Variants in DOCK9 observed in about 807,000 individuals in gnomAD.
DOCK9 encodes dedicator of cytokinesis protein 9.
A neutral mutation model predicts 263.3 loss-of-function variants in DOCK9; 89 were observed. The ratio of observed to expected loss-of-function variants is 0.34; its 90% confidence interval spans 0.28 to 0.40. DOCK9 has a LOEUF of 0.40. Ranked by LOEUF, DOCK9 falls within the 10% of genes least tolerant of loss-of-function variation. The probability of loss-of-function intolerance (pLI) is 1.00; values close to 1 mark genes in which losing one functional copy is unlikely to be tolerated. For missense variants in DOCK9, 2,140 were observed against 2,603.4 expected, an observed-to-expected ratio of 0.82 and a Z score of 3.87; for synonymous variants, 976 against 973.1, an observed-to-expected ratio of 1.00 and a Z score of -0.06.
chr13:99,083,587 T>C (rs2042213557), intron 1 of DOCK9, among the ~76,000 whole-genome samples: 1 of 151,826 alleles, frequency 6.6e-6, no homozygotes, highest in South Asian at 2.1e-4. Flanking sequence ...ATCTGGATGA[T>C]GAAATATGAA....
At chr13:98,979,180 ATAGTAGTAGTAGTAG>A (rs56125832), upstream of DOCK9, among the ~76,000 whole-genome samples, 164 of 132,814 alleles carry the variant, frequency 1.2e-3, no homozygotes, top group East Asian at 0.011. Context: ...AGCAGCAGCA[ATAGTAGTAGTAGTAG>A]TAGTAGTAGT....
chr13:98,936,893 T>C (rs549087889), intron 2 of DOCK9, among the ~76,000 whole-genome samples: 1 of 152,330 alleles, frequency 6.6e-6, no homozygotes, highest in South Asian at 2.1e-4. Context: ...TAAATTTCTG[T>C]AGTTTTATTT....
At chr13:99,016,705 A>G (rs767040452) in intron 1 of DOCK9, among the ~76,000 whole-genome samples, 5 of 152,212 alleles carry the variant, frequency 3.3e-5, no homozygotes, top group Non-Finnish European at 7.3e-5. Flanking sequence ...TTCTTCAACA[A>G]TGAAAGGCTA....
At chr13:98,905,339 G>A (rs140777779) in intron 9 of DOCK9, among the ~76,000 whole-genome samples, 2 of 152,186 alleles carry the variant, frequency 1.3e-5, no homozygotes, top group African/African-American at 4.8e-5. Flanking sequence ...GGAACACCAG[G>A]TGGGGAGAGA....
intron 52 of DOCK9, among the ~76,000 whole-genome samples, chr13:98,795,979 G>A (rs1369098979): frequency 7.2e-5 from 11 of 151,910 alleles, no homozygotes; most frequent in South Asian, 4.2e-4. Flanking sequence ...GGCTGGTCTC[G>A]AACTCCTGAC....
chr13:99,044,616 T>C (rs1284094328), intron 1 of DOCK9, among the ~76,000 whole-genome samples: 2 of 152,196 alleles, frequency 1.3e-5, no homozygotes, highest in African/African-American at 4.8e-5. Flanking sequence ...ACTTTAAAAA[T>C]GTGCAAATTT....
chr13:98,853,771 C>T (rs2093633439), intron 34 of DOCK9, among the ~76,000 whole-genome samples: 1 of 152,142 alleles, frequency 6.6e-6, no homozygotes, highest in African/African-American at 2.4e-5. Context: ...AAGGCACAGA[C>T]CTTTCTCACT....
At chr13:99,067,609 C>A (rs1326450723) in intron 1 of DOCK9, among the ~76,000 whole-genome samples, 1 of 152,194 alleles carries the variant, frequency 6.6e-6, no homozygotes, top group East Asian at 1.9e-4. Context: ...GGAATCAACT[C>A]TGCAGCTTAA....
intron 50 of DOCK9, 48 bp downstream of exon 50, chr13:98,800,240 G>A (rs1364319087): frequency 1.3e-6 from 2 of 1,520,510 alleles, no homozygotes; most frequent in East Asian, 2.4e-5. Context: ...AGTCACCCAG[G>A]GGCAAGGACG....
intron 39 of DOCK9, among the ~76,000 whole-genome samples, chr13:98,833,938 T>C (rs2092881175): frequency 6.6e-6 from 1 of 152,222 alleles, no homozygotes; most frequent in African/African-American, 2.4e-5. Context: ...CACTCAGAAA[T>C]ATCCACAGAT....
intron 49 of DOCK9, among the ~76,000 whole-genome samples, chr13:98,803,459 T>C (rs1443910097): frequency 2.0e-5 from 3 of 152,228 alleles, no homozygotes; most frequent in Non-Finnish European, 4.4e-5. Context: ...GGAGGGCCTG[T>C]TGAACACAAA....
rs539259137 is a variant in DOCK9 at position 98,888,210 on chromosome 13, G to A, written c.1991C>T (p.Ala664Val). The change falls in exon 18 of 53, where the codon GCG (alanine) becomes GTG (valine). Residue 664 changes from alanine (A) to valine (V), a missense_variant. Ala to Val is a moderately conservative substitution (Grantham distance 64, BLOSUM62 0). Transcript: ENST00000682017. ...TGAATCTTTGAATTCAATGCAAATCGCAATATTTCTAGCCTGCAGCAATAA... is the reference window on the plus strand; with the variant it reads ...TGAATCTTTGAATTCAATGCAAATCACAATATTTCTAGCCTGCAGCAATAA... ...QKSFAKARNIAICIEFKDSDE... is the reference protein window; with the variant it reads ...QKSFAKARNIVICIEFKDSDE... 61 of 1,610,066 alleles carry A rather than the reference G, an allele frequency of 3.8e-5. No homozygotes were observed. Among genetic ancestry groups the A allele is most frequent in the Admixed American group, 2.5e-4 (15 of 59,438 alleles).
At chr13:98,903,628 A>T (rs561226061) in intron 10 of DOCK9, among the ~76,000 whole-genome samples, 14 of 149,300 alleles carry the variant, frequency 9.4e-5, no homozygotes, top group African/African-American at 3.1e-4. Flanking sequence ...AAGACAAAAA[A>T]AAAAAGACAT....
At chr13:99,036,326 GA>G (rs1887873226) in intron 1 of DOCK9, among the ~76,000 whole-genome samples, 1 of 152,122 alleles carries the variant, frequency 6.6e-6, no homozygotes. Context: ...AAGTCCTCAT[GA>G]ATGGGTAGGT....
chr13:98,804,859 T>A lies in DOCK9; in HGVS notation c.5725+140A>T. 5.2e-6 allele frequency: 4 copies of A among 765,110 alleles called. No individual in the cohort carries two copies. The South Asian group carries it at 7.3e-5, about 14-fold the overall frequency. The allele number at this position is 765,110 out of a possible 1,614,324, so 47.4% of individuals were successfully genotyped here. A position where few individuals can be genotyped will look rare whatever the true frequency, so the allele number is the denominator to read the frequency against. On this transcript the variant is annotated intron_variant, in intron 49 of 52. Transcript: ENST00000682017. ...CAAGTATTCAAAAGGAAGCACTAGA[T>A]AAATGTGAAACTGAAATGGGTGTGG...
intron 45 of DOCK9, chr13:98,820,785 T>C (rs565319412): frequency 3.4e-5 from 9 of 266,616 alleles, no homozygotes; most frequent in South Asian, 3.0e-4. Context: ...CTAGTAAACA[T>C]TATTAATTTG....
intron 1 of DOCK9, among the ~76,000 whole-genome samples, chr13:98,967,175 C>G (rs1330307881): frequency 1.3e-5 from 2 of 152,244 alleles, no homozygotes; most frequent in African/African-American, 4.8e-5. Context: ...CTTTTAATCT[C>G]CATACTTTAA....
chr13:98,848,055 T>C (rs2093442505), intron 37 of DOCK9, among the ~76,000 whole-genome samples: 1 of 152,198 alleles, frequency 6.6e-6, no homozygotes, highest in Non-Finnish European at 1.5e-5. Context: ...GTTTACCAAC[T>C]AGTCAAGAGT....
At chr13:98,965,495 T>C (rs2059099839) in intron 1 of DOCK9, among the ~76,000 whole-genome samples, 1 of 152,184 alleles carries the variant, frequency 6.6e-6, no homozygotes. Flanking sequence ...CCTGTGATTA[T>C]CCAGTCCAGT....
Sources: allele counts gnomAD v4.1 joint callset (sites outside exome capture counted in the v4.1 genomes callset), GRCh38; gene constraint gnomAD v4.1.1; transcripts MANE v1.5; gene names NCBI Gene and HGNC (gene_info 2026-07-23, HGNC 2026-07-21).